ELOC: variants seen among roughly 807,000 people sequenced by gnomAD.
The protein encoded by ELOC is elongin-C.
For missense variants in ELOC, 38 were observed against 139.0 expected (o/e 0.27, Z 3.65); for synonymous variants, 40 against 51.3 (o/e 0.78, Z 0.94).
intron 1 of ELOC, among the ~76,000 whole-genome samples, chr8:73,965,066 A>G (rs1814882240): frequency 6.6e-6 from 1 of 151,268 alleles, no homozygotes; most frequent in Non-Finnish European, 1.5e-5. Flanking sequence ...CTCAAAAACC[A>G]AAAAGAAAAA....
chr8:73,949,812 A>C (rs1287250066), intron 3 of ELOC, among the ~76,000 whole-genome samples: 1 of 152,244 alleles, frequency 6.6e-6, no homozygotes, highest in Non-Finnish European at 1.5e-5. Context: ...GTTTAAACTA[A>C]AGATCAAATT....
intron 3 of ELOC, chr8:73,955,605 CAAAAA>C: frequency 3.7e-5 from 7 of 189,010 alleles, no homozygotes; most frequent in South Asian, 2.0e-4. Flanking sequence ...GACTCTGTCT[CAAAAA>C]AAAAAAAAAA....
At position 73,961,516 on chromosome 8, in the gene ELOC, CTCTT is replaced by C. The variant is rs543228483; in HGVS notation, c.-50-1702_-50-1699del. Among the ~76,000 whole-genome samples the C allele has an allele frequency of 3.5e-3, 535 of 151,836 alleles. 5 individuals are homozygous for C. Among genetic ancestry groups the C allele is most frequent in the African/African-American group, 0.012 (493 of 41,428 alleles). Reference sequence around the variant, plus strand: ...CAGATATTCAAAGTACCATCACTCTCTCTTTTTTTTTTTTTGAGAGGCAGTCTTG... The same window carrying C: ...CAGATATTCAAAGTACCATCACTCTCTTTTTTTTTTTGAGAGGCAGTCTTG... On this transcript the variant is annotated intron_variant, in intron 1 of 3. Coordinates refer to ENST00000520242, the MANE Select transcript of ELOC (RefSeq NM_005648.4).
chr8:73,946,981 A>C (rs1813419343), intron 3 of ELOC, among the ~76,000 whole-genome samples, 161 bp from the exon 4 acceptor site: 1 of 151,936 alleles, frequency 6.6e-6, no homozygotes, highest in Admixed American at 6.6e-5. Flanking sequence ...ATCCAATATG[A>C]TTGGTGTCTT....
At chr8:73,959,197 C>G (rs1340338368) in intron 2 of ELOC, among the ~76,000 whole-genome samples, 1 of 152,140 alleles carries the variant, frequency 6.6e-6, no homozygotes, top group Non-Finnish European at 1.5e-5. Context: ...TATACTACTA[C>G]AGACTTCATA....
In ELOC at chr8:73,959,801, A is replaced by G. The variant is rs777907048; in HGVS notation, c.-33T>C. On this transcript the variant is annotated 5_prime_UTR_variant, in exon 2 of 4. Transcript: ENST00000520242. Reference sequence around the variant, plus strand: ...TTATGAAATTCTACTTTGCTTCCCCAGGAACTTTAGTAGTTTCCTGAAAAT... The same window carrying G: ...TTATGAAATTCTACTTTGCTTCCCCGGGAACTTTAGTAGTTTCCTGAAAAT... 1 of 1,541,370 alleles carries G rather than the reference A, an allele frequency of 6.5e-7. No individual in the cohort carries two copies. The highest frequency in any genetic ancestry group is 8.7e-7 in the Non-Finnish European group (1 of 1,144,074).
At chr8:73,952,480 TAA>T (rs754933689) in intron 3 of ELOC, among the ~76,000 whole-genome samples, 14 of 133,276 alleles carry the variant, frequency 1.1e-4, no homozygotes, top group Non-Finnish European at 8.2e-5. Flanking sequence ...ATGACACCAT[TAA>T]AAAAAAAAAA....
chr8:73,958,279 A>T (rs1814345621), intron 2 of ELOC, among the ~76,000 whole-genome samples: 1 of 151,936 alleles, frequency 6.6e-6, no homozygotes, highest in African/African-American at 2.4e-5. Context: ...TTTTTAAAAA[A>T]TGGCTTCTGT....
rs567852848 is a variant in ELOC at position 73,970,398 on chromosome 8, G to A, written c.-51+1679C>T. 3.2e-4 allele frequency among the ~76,000 whole-genome samples: 48 copies of A among 152,254 alleles called. No homozygotes were observed. In the South Asian group the frequency reaches 8.9e-3, roughly 28 times the overall value. On this transcript the variant is annotated intron_variant, in intron 1 of 3. Coordinates refer to ENST00000520242, the MANE Select transcript of ELOC (RefSeq NM_005648.4). ...ATGTATAGGACTGACTATAACTTCTGGCTGTAAACTAGTGCCTATTATATT... is the reference window on the plus strand; with the variant it reads ...ATGTATAGGACTGACTATAACTTCTAGCTGTAAACTAGTGCCTATTATATT...
chr8:73,953,052 C>G (rs1813880014), intron 3 of ELOC, among the ~76,000 whole-genome samples: 2 of 152,256 alleles, frequency 1.3e-5, no homozygotes, highest in South Asian at 4.1e-4. Flanking sequence ...CGTCTGTAAT[C>G]CCAGCACTTT....
chr8:73,963,276 C>T lies in ELOC; in HGVS notation c.-50-3458G>A, dbSNP rs1253753073. On this transcript the variant is annotated intron_variant, in intron 1 of 3. Transcript: ENST00000520242. ...GAATATTTATAAGATATTTGAATAG[C>T]TTATCCTTTGATTTGAAATATTACC... 2.0e-5 allele frequency among the ~76,000 whole-genome samples: 3 copies of T among 152,150 alleles called. No individual in the cohort carries two copies. The East Asian group carries it at 5.8e-4, about 29-fold the overall frequency.
At chr8:73,950,171 A>G (rs1813650498) in intron 3 of ELOC, among the ~76,000 whole-genome samples, 2 of 152,230 alleles carry the variant, frequency 1.3e-5, no homozygotes, top group African/African-American at 4.8e-5. Context: ...TACAGAAAGT[A>G]GTATAACTAT....
intron 1 of ELOC, among the ~76,000 whole-genome samples, chr8:73,967,602 G>C (rs1310406754): frequency 6.6e-6 from 1 of 151,758 alleles, no homozygotes; most frequent in Non-Finnish European, 1.5e-5. Context: ...CGAGTAGCTG[G>C]GATTACAGGC....
At chr8:73,946,876 T>C in intron 3 of ELOC, 56 bp from the exon 4 acceptor site, 2 of 1,466,164 alleles carry the variant, frequency 1.4e-6, no homozygotes, top group Admixed American at 3.6e-5. Flanking sequence ...TCCAAATTCA[T>C]ATGTTGAAGT....
intron 3 of ELOC, among the ~76,000 whole-genome samples, chr8:73,950,458 T>C (rs935437251): frequency 6.6e-6 from 1 of 152,230 alleles, no homozygotes; most frequent in Non-Finnish European, 1.5e-5. Context: ...CTTTCCCATA[T>C]AGACTGTATT....
At chr8:73,953,804 A>C (rs927916683) in intron 3 of ELOC, among the ~76,000 whole-genome samples, 1 of 152,202 alleles carries the variant, frequency 6.6e-6, no homozygotes, top group East Asian at 1.9e-4. Flanking sequence ...AAAGTTAAAG[A>C]GAATTGTCAT....
rs1187927645 is a variant in ELOC, at chr8:73,945,962, C to CT, written c.*667dup. ...CCAAAATGTATAATGCACAAGAACT[C>CT]TAAGTCATGTAGTTTACTTGCTGAC... is the stretch of plus-strand genomic sequence containing the variant. On this transcript the variant is annotated 3_prime_UTR_variant, in exon 4 of 4. Coordinates refer to ENST00000520242, the MANE Select transcript of ELOC (RefSeq NM_005648.4). The CT allele has an allele frequency of 2.0e-5, 3 of 152,212 alleles. No individual in the cohort carries two copies. Among genetic ancestry groups the CT allele is most frequent in the African/African-American group, 2.4e-5 (1 of 41,450 alleles). The allele number at this position is 152,212 out of a possible 1,614,324, so 9.4% of individuals were successfully genotyped here.
intron 3 of ELOC, among the ~76,000 whole-genome samples, chr8:73,955,114 G>A (rs536372506): frequency 6.6e-6 from 1 of 151,406 alleles, no homozygotes; most frequent in Admixed American, 6.6e-5. Flanking sequence ...AAACTTATAG[G>A]ATAAATAACT....
intron 1 of ELOC, 68 bp from the exon 2 acceptor site, chr8:73,959,886 A>G: frequency 1.2e-6 from 1 of 816,606 alleles, no homozygotes; most frequent in Non-Finnish European, 1.8e-6. Flanking sequence ...ACTGTTATTT[A>G]ATGTCCTTGG....
Sources: allele counts gnomAD v4.1 joint callset (sites outside exome capture counted in the v4.1 genomes callset), GRCh38; gene constraint gnomAD v4.1.1; transcripts MANE v1.5; gene names NCBI Gene and HGNC (gene_info 2026-07-23, HGNC 2026-07-21).